Variants in GALNT1 observed in about 807,000 individuals in gnomAD.
GALNT1 encodes polypeptide N-acetylgalactosaminyltransferase 1, also known as GalNAc transferase 1.
In GALNT1, 17 loss-of-function variants were observed where a neutral mutation model predicts 65.7. The ratio of observed to expected loss-of-function variants is 0.26; its 90% CI spans 0.18 to 0.39. GALNT1 has a LOEUF of 0.39. GALNT1 is among the 10% of genes least tolerant of loss of function. GALNT1 has a pLI of 1.00. For synonymous variants in GALNT1, 210 were observed against 219.7 expected, an observed-to-expected ratio of 0.96 and a Z score of 0.39; for missense variants, 460 against 672.8, an observed-to-expected ratio of 0.68 and a Z score of 3.50.
chr18:35,690,720 G>A (rs763210396), intron 7 of GALNT1, among the ~76,000 whole-genome samples: 4 of 152,090 alleles, frequency 2.6e-5, no homozygotes, highest in Non-Finnish European at 5.9e-5. Flanking sequence ...CCATACAGCC[G>A]GAGCCCATCA....
At chr18:35,588,325 A>G (rs1039833413) in intron 1 of GALNT1, among the ~76,000 whole-genome samples, 1 of 152,194 alleles carries the variant, frequency 6.6e-6, no homozygotes, top group Non-Finnish European at 1.5e-5. Flanking sequence ...TTTCCTCTGT[A>G]GAAAGGAATC....
At chr18:35,641,612 G>A (rs1411908158) in intron 1 of GALNT1, among the ~76,000 whole-genome samples, 1 of 152,146 alleles carries the variant, frequency 6.6e-6, no homozygotes, top group Non-Finnish European at 1.5e-5. Flanking sequence ...GAGATGGTGG[G>A]GAAATGCAAA....
rs541237315 is a variant in GALNT1 at position 35,667,305 on chromosome 18, T to C, written c.314+3503T>C. 7.2e-4 allele frequency among the ~76,000 whole-genome samples: 110 copies of C among 152,310 alleles called. 1 individual carries two copies. Among genetic ancestry groups the C allele is most frequent in the African/African-American group, 2.6e-3 (107 of 41,562 alleles). ...CTCTGGGATAAGCCCCTGGACACAA[T>C]AGGTGCAGCCCTATGTCGACACCCG... On this transcript the variant is annotated intron_variant, in intron 3 of 11. Coordinates refer to ENST00000269195, the MANE Select transcript of GALNT1 (RefSeq NM_020474.4).
rs111595717 is a variant in GALNT1, at chr18:35,633,426, C to G, written c.-103-21134C>G. Among the ~76,000 whole-genome samples, 815 of 151,892 alleles carry G rather than the reference C, an allele frequency of 5.4e-3. 10 individuals carry two copies. Among genetic ancestry groups the G allele is most frequent in the African/African-American group, 0.019 (768 of 41,406 alleles). ...GGATGAAGCTGGAAACCATCATTCT[C>G]AGCAAACTATCACAAGGACAAAAAA... On this transcript the variant is annotated intron_variant, in intron 1 of 11. Transcript: ENST00000269195.
chr18:35,699,831 T>TA (rs2144720989), intron 9 of GALNT1, among the ~76,000 whole-genome samples: 2 of 152,358 alleles, frequency 1.3e-5, no homozygotes, highest in Non-Finnish European at 2.9e-5. Flanking sequence ...TTCATCCCAG[T>TA]ATAAACTTGA....
chr18:35,611,038 G>A (rs2046709599), intron 1 of GALNT1, among the ~76,000 whole-genome samples: 1 of 124,852 alleles, frequency 8.0e-6, no homozygotes, highest in East Asian at 2.2e-4. Flanking sequence ...GGGTCTTGAT[G>A]ACCCCTTGAG....
Position 35,659,151 on chromosome 18 carries a change from C to T in GALNT1, c.139+4350C>T, listed in dbSNP as rs1008641910. ...ATATTGGAAGTACCTAATTTCTGAA[C>T]GTTCTGCTTTACAGCTCTGATTTCG... On this transcript the variant is annotated intron_variant, in intron 2 of 11. Coordinates refer to ENST00000269195, the MANE Select transcript of GALNT1 (RefSeq NM_020474.4). Among the ~76,000 whole-genome samples the T allele has an allele frequency of 9.2e-5, 14 of 152,172 alleles. 1 individual carries two copies. The highest frequency in any genetic ancestry group is 3.4e-4 in the African/African-American group (14 of 41,436).
chr18:35,581,049 C>G (rs2046305629), upstream of GALNT1: 1 of 152,228 alleles, frequency 6.6e-6, no homozygotes, highest in Admixed American at 6.5e-5. Flanking sequence ...ATCGCGGTCG[C>G]CAGGCGCAGG....
At chr18:35,609,742 A>C (rs945070880) in intron 1 of GALNT1, among the ~76,000 whole-genome samples, 2 of 152,180 alleles carry the variant, frequency 1.3e-5, no homozygotes, top group African/African-American at 4.8e-5. Flanking sequence ...TGGATTTTTA[A>C]AAAATATTGA....
chr18:35,660,843 T>G (rs1328302424), intron 2 of GALNT1, among the ~76,000 whole-genome samples: 1 of 152,214 alleles, frequency 6.6e-6, no homozygotes, highest in Non-Finnish European at 1.5e-5. Flanking sequence ...TGTGGTGCAT[T>G]CTCTAAATCA....
At chr18:35,631,220 T>A (rs1598789280) in intron 1 of GALNT1, among the ~76,000 whole-genome samples, 1 of 152,196 alleles carries the variant, frequency 6.6e-6, no homozygotes, top group Non-Finnish European at 1.5e-5. Context: ...AGCATCATCC[T>A]GATACCAAAG....
At chr18:35,656,188 A>G (rs2047382668) in intron 2 of GALNT1, among the ~76,000 whole-genome samples, 1 of 152,240 alleles carries the variant, frequency 6.6e-6, no homozygotes, top group Admixed American at 6.5e-5. Context: ...GCCATTTATA[A>G]TAAGCTCATG....
intron 1 of GALNT1, among the ~76,000 whole-genome samples, chr18:35,612,119 T>C (rs942272790): frequency 3.3e-5 from 5 of 152,140 alleles, no homozygotes; most frequent in Non-Finnish European, 7.4e-5. Flanking sequence ...AAGGAAAAAT[T>C]GAGAGATAAA....
intron 9 of GALNT1, among the ~76,000 whole-genome samples, chr18:35,692,716 G>GA (rs1316544038): frequency 6.6e-6 from 1 of 151,876 alleles, no homozygotes; most frequent in Non-Finnish European, 1.5e-5. Flanking sequence ...ATGGCTTTTA[G>GA]AAAAAAATAT....
chr18:35,682,973 G>A (rs2047809035), intron 4 of GALNT1, among the ~76,000 whole-genome samples: 1 of 147,676 alleles, frequency 6.8e-6, no homozygotes, highest in East Asian at 2.0e-4. Flanking sequence ...ATTTGTTTGT[G>A]CTTCTGAGGA....
chr18:35,641,741 T>G (rs1598792608), intron 1 of GALNT1, among the ~76,000 whole-genome samples: 4 of 152,320 alleles, frequency 2.6e-5, no homozygotes, highest in Admixed American at 2.6e-4. Flanking sequence ...ACAGTTCACA[T>G]CTGGTGGGTG....
chr18:35,702,977 T>C lies in GALNT1; in HGVS notation c.1380T>C (p.His460=). ...ENEKVGIFNC[H]GMGGNQVFSY... ...AAAAAGTTGGAATTTTTAATTGCCA[T>C]GGTATGGGGGGTAATCAGGTGAGTA... The change falls in exon 10 of 12, where the codon CAT becomes CAC. Residue 460 remains histidine, a synonymous_variant. Transcript: ENST00000269195. 1 of 1,606,578 alleles carries C rather than the reference T, an allele frequency of 6.2e-7. No homozygotes were observed.
intron 4 of GALNT1, among the ~76,000 whole-genome samples, chr18:35,678,552 T>C (rs1170991195): frequency 6.6e-6 from 1 of 152,174 alleles, no homozygotes; most frequent in African/African-American, 2.4e-5. Flanking sequence ...TTGCTTAACT[T>C]AGATACCCAG....
chr18:35,709,592 C>T, intron 11 of GALNT1, 32 bp from the exon 12 acceptor site: 1 of 1,609,014 alleles, frequency 6.2e-7, no homozygotes, highest in Non-Finnish European at 8.5e-7. Context: ...TTGTTTTCTT[C>T]CACTCTCATG....
Sources: gnomAD v4.1 joint callset for allele counts (sites outside exome capture counted in the v4.1 genomes callset) on GRCh38, gnomAD v4.1.1 for gene constraint, MANE v1.5 for transcripts, NCBI Gene and HGNC (gene_info 2026-07-23, HGNC 2026-07-21) for gene names.